The following PATJ variants were observed in gnomAD, a reference collection of about 807,000 sequenced individuals.
PATJ encodes PATJ crumbs cell polarity complex component.
In PATJ, 190 loss-of-function variants were observed where a neutral mutation model predicts 224.9. The observed-to-expected ratio is 0.84, with a 90% CI of 0.75 to 0.95. PATJ has a LOEUF of 0.95. PATJ is among the 40% of genes least tolerant of loss of function. The probability of loss-of-function intolerance (pLI) is 0.00; values close to 1 mark genes in which losing one functional copy is unlikely to be tolerated. For missense variants in PATJ, 2,121 were observed against 2,270.3 expected, an observed-to-expected ratio of 0.93 and a Z score of 1.34; for synonymous variants, 769 against 820.3, an observed-to-expected ratio of 0.94 and a Z score of 1.07.
At chr1:61,833,255 C>T (rs1407841725) in intron 16 of PATJ, 1 of 152,490 alleles carries the variant, frequency 6.6e-6, no homozygotes, top group Non-Finnish European at 1.5e-5. Flanking sequence ...AATTATGAAG[C>T]CAGGTATTGC....
chr1:62,145,525 G>T (rs2476199), intron 41 of PATJ, among the ~76,000 whole-genome samples: 1 of 152,092 alleles, frequency 6.6e-6, no homozygotes, highest in Non-Finnish European at 1.5e-5. Context: ...GCTGGGCATG[G>T]TGGTGCATGC....
chr1:61,977,576 C>T (rs955853953), intron 27 of PATJ, among the ~76,000 whole-genome samples: 10 of 152,114 alleles, frequency 6.6e-5, no homozygotes, highest in East Asian at 3.9e-4. Flanking sequence ...TTTGTAGACG[C>T]GTCCTAGAGT....
chr1:62,061,849 T>C (rs1570395193), intron 31 of PATJ, among the ~76,000 whole-genome samples: 1 of 151,932 alleles, frequency 6.6e-6, no homozygotes, highest in African/African-American at 2.4e-5. Context: ...TTAGTAAAGA[T>C]GGGGTTTCAC....
chr1:62,077,269 G>T (rs1271977561), intron 31 of PATJ, among the ~76,000 whole-genome samples: 1 of 152,136 alleles, frequency 6.6e-6, no homozygotes, highest in Non-Finnish European at 1.5e-5. Flanking sequence ...AGAATAATTG[G>T]ATATCTAAGT....
At chr1:61,795,430 A>G (rs1650870804) in intron 9 of PATJ, 37 bp from the exon 10 acceptor site, 3 of 1,337,210 alleles carry the variant, frequency 2.2e-6, no homozygotes, top group Admixed American at 2.1e-5. Context: ...CCTAATTAGA[A>G]TTTTCTTCCT....
chr1:61,829,188 C>A (rs1658872322), intron 16 of PATJ, among the ~76,000 whole-genome samples: 1 of 152,166 alleles, frequency 6.6e-6, no homozygotes. Context: ...TCCTTGTGGG[C>A]AAAGGCCATA....
intron 17 of PATJ, among the ~76,000 whole-genome samples, chr1:61,855,648 A>G (rs1663535776): frequency 6.6e-6 from 1 of 152,138 alleles, no homozygotes; most frequent in Non-Finnish European, 1.5e-5. Context: ...TCCTGGGCTC[A>G]AGCAATCCTC....
In PATJ at chr1:61,883,637, C is replaced by T. The variant is rs113142860; in HGVS notation, c.2960-600C>T. 6.5e-3 allele frequency among the ~76,000 whole-genome samples: 984 copies of T among 151,840 alleles called. 10 individuals are homozygous for T. The highest frequency in any genetic ancestry group is 0.023 in the African/African-American group (944 of 41,436). ...TTGCATGCAACACAACACCTGTAGT[C>T]CCAGCTACTCAGGAGGCTGGGGCAG... On this transcript the variant is annotated intron_variant, in intron 21 of 43. Transcript: ENST00000642238.
intron 18 of PATJ, among the ~76,000 whole-genome samples, chr1:61,859,639 A>G (rs1362205420): frequency 6.6e-6 from 1 of 151,588 alleles, no homozygotes; most frequent in Non-Finnish European, 1.5e-5. Context: ...GTTTTTTGAG[A>G]TGGAGTTTCA....
At chr1:61,756,685 T>C (rs924172424) in intron 1 of PATJ, among the ~76,000 whole-genome samples, 3 of 150,796 alleles carry the variant, frequency 2.0e-5, no homozygotes, top group Non-Finnish European at 4.4e-5. Flanking sequence ...TTCAAGTGAT[T>C]CTCTCTCCTT....
intron 41 of PATJ, among the ~76,000 whole-genome samples, chr1:62,142,869 T>C (rs1251906747): frequency 6.6e-6 from 1 of 152,100 alleles, no homozygotes; most frequent in Non-Finnish European, 1.5e-5. Flanking sequence ...GAACTTTATA[T>C]GCATAATTAA....
chr1:61,777,251 G>A (rs745682463), intron 7 of PATJ, among the ~76,000 whole-genome samples: 5 of 152,146 alleles, frequency 3.3e-5, no homozygotes, highest in Non-Finnish European at 5.9e-5. Flanking sequence ...CCATAAGCAT[G>A]ACATTTCCCT....
intron 27 of PATJ, among the ~76,000 whole-genome samples, chr1:61,969,567 TTG>T (rs1682652375): frequency 3.3e-5 from 5 of 152,232 alleles, no homozygotes; most frequent in African/African-American, 4.8e-5. Context: ...ATCAGATTAT[TTG>T]ATTTATATTT....
In PATJ at chr1:61,985,942, G is replaced by A. The variant is rs188519569; in HGVS notation, c.3671-4226G>A. Among the ~76,000 whole-genome samples the A allele has an allele frequency of 1.8e-3, 267 of 152,052 alleles. 4 individuals are homozygous for A. The highest frequency in any genetic ancestry group is 6.2e-3 in the African/African-American group (256 of 41,384). ...ATGGAAACAAAAATCATGAGATTTT[G>A]TTTCCCCTAACATTATTTGGACTCC... On this transcript the variant is annotated intron_variant, in intron 27 of 43. Transcript: ENST00000642238.
intron 1 of PATJ, among the ~76,000 whole-genome samples, chr1:61,752,960 A>T (rs1459036370): frequency 6.6e-6 from 1 of 152,186 alleles, no homozygotes; most frequent in Non-Finnish European, 1.5e-5. Context: ...ATGGCAGCAG[A>T]TGTATTTATT....
intron 43 of PATJ, among the ~76,000 whole-genome samples, chr1:62,157,302 T>C (rs78984283): frequency 0.032 from 4,514 of 140,238 alleles, 169 homozygotes; most frequent in Admixed American, 0.066. Flanking sequence ...CCAGCCTGGA[T>C]GACAGAGCAA....
chr1:61,941,590 G>T (rs1677829824), intron 27 of PATJ, among the ~76,000 whole-genome samples: 1 of 152,138 alleles, frequency 6.6e-6, no homozygotes, highest in South Asian at 2.1e-4. Flanking sequence ...GGTGGAAGTT[G>T]CAGTGAGCAC....
At chr1:62,037,862 A>G (rs1464610412) in intron 29 of PATJ, 115 bp from the exon 30 acceptor site, 1 of 387,080 alleles carries the variant, frequency 2.6e-6, no homozygotes, top group East Asian at 4.3e-5. Context: ...ATATATATTT[A>G]ATTCTATGAT....
At chr1:62,107,170 G>A (rs575745320) in intron 33 of PATJ, among the ~76,000 whole-genome samples, 2 of 152,018 alleles carry the variant, frequency 1.3e-5, no homozygotes, top group Non-Finnish European at 2.9e-5. Flanking sequence ...GCCGGACGTG[G>A]TGGCGGGCAC....
Sources: gnomAD v4.1 joint callset for allele counts (sites outside exome capture counted in the v4.1 genomes callset) on GRCh38, gnomAD v4.1.1 for gene constraint, MANE v1.5 for transcripts, NCBI Gene and HGNC (gene_info 2026-07-23, HGNC 2026-07-21) for gene names.